Variants in TAF4 observed in about 807,000 individuals in gnomAD.
The protein encoded by TAF4 is transcription initiation factor TFIID subunit 4.
Under a neutral mutation model 90.3 loss-of-function variants are expected in TAF4, and 9 were observed. The ratio of observed to expected loss-of-function variants is 0.10; its 90% CI spans 0.06 to 0.17. The LOEUF (loss-of-function observed/expected upper bound fraction) is 0.17, where lower values mean the gene tolerates loss of function less well. Ranked by LOEUF, TAF4 falls within the 10% of genes least tolerant of loss-of-function variation. TAF4 has a pLI of 1.00. For missense variants in TAF4, 1,351 were observed against 1,370.7 expected, an observed-to-expected ratio of 0.99 and a Z score of 0.23; for synonymous variants, 818 against 638.9, an observed-to-expected ratio of 1.28 and a Z score of -4.23.
At chr20:62,007,150 T>C (rs908160351) in intron 6 of TAF4, among the ~76,000 whole-genome samples, 3 of 152,208 alleles carry the variant, frequency 2.0e-5, no homozygotes, top group East Asian at 1.9e-4. Flanking sequence ...ATACACCTCA[T>C]AAATGTGTAC....
At chr20:62,014,052 G>A (rs1348846699) in intron 2 of TAF4, among the ~76,000 whole-genome samples, 2 of 151,770 alleles carry the variant, frequency 1.3e-5, no homozygotes, top group Non-Finnish European at 2.9e-5. Flanking sequence ...GTGTATGTGT[G>A]TGTGTGTGTG....
chr20:62,050,028 T>C (rs75692838), intron 1 of TAF4, among the ~76,000 whole-genome samples: 4,144 of 152,150 alleles, frequency 0.027, 199 homozygotes, highest in African/African-American at 0.095. Flanking sequence ...GCTCACCCCA[T>C]CTTCACCCAA....
intron 1 of TAF4, among the ~76,000 whole-genome samples, chr20:62,045,636 C>T (rs975737443): frequency 6.6e-6 from 1 of 152,196 alleles, no homozygotes; most frequent in Admixed American, 6.5e-5. Flanking sequence ...AAGAAAATAA[C>T]TATTTAAAAG....
In TAF4 at chr20:62,065,077, C is replaced by A. The variant is rs2056118799; in HGVS notation, c.734G>T (p.Gly245Val). 2 of 943,410 alleles carry A rather than the reference C, an allele frequency of 2.1e-6. No individual in the cohort carries two copies. The highest frequency in any genetic ancestry group is 2.5e-6 in the Non-Finnish European group (2 of 804,198). The allele number at this position is 943,410 out of a possible 1,614,324, so 58.4% of individuals were successfully genotyped here. A position where few individuals can be genotyped will look rare whatever the true frequency, so the allele number is the denominator to read the frequency against. Residue 245 changes from glycine (G) to valine (V), a missense_variant, in exon 1 of 15, where the codon GGC becomes GTC. By Grantham distance (109) the Gly-to-Val change is moderately radical. This residue lies in a region of TAF4 where 782 missense variants were observed against 536.6 expected (regional missense o/e 1.46). Coordinates refer to ENST00000252996, the MANE Select transcript of TAF4 (RefSeq NM_003185.4). ...GTVIQTPPFV[G>V]AAAPPAPAAP... ...GGCGGGCGCGGGGGGCGCGGCGGCG[C>A]CCACGAAGGGGGGCGTCTGGATGAC...
At chr20:62,055,434 T>C (rs2056057834) in intron 1 of TAF4, among the ~76,000 whole-genome samples, 1 of 152,168 alleles carries the variant, frequency 6.6e-6, no homozygotes, top group Non-Finnish European at 1.5e-5. Context: ...TCACACTGTG[T>C]GCAGGCAGCC....
At chr20:62,021,378 C>T (rs1170958468) in intron 1 of TAF4, among the ~76,000 whole-genome samples, 1 of 152,248 alleles carries the variant, frequency 6.6e-6, no homozygotes, top group African/African-American at 2.4e-5. Flanking sequence ...GCACAGGGTC[C>T]GGAGGGCCAG....
At chr20:62,012,328 G>A (rs149721086) in intron 3 of TAF4, 2 of 152,650 alleles carry the variant, frequency 1.3e-5, no homozygotes, top group African/African-American at 2.4e-5. Context: ...CGAGATGAAG[G>A]GAGCGATGTC....
In TAF4 at chr20:62,010,696, T is replaced by C. The variant is rs540309497; in HGVS notation, c.1642-531A>G. On this transcript the variant is annotated intron_variant, in intron 3 of 14. Transcript: ENST00000252996. This position sits in a 1 kb window ranked among gnomAD's most constrained non-coding sequence, Gnocchi z 4.5. The stretch of plus-strand genomic sequence containing the variant: ...CCTTTCTTTACTCCCCAAAAGTGAG[T>C]GTCAACAAGAAGCCTCCCACAGAGG... Among the ~76,000 whole-genome samples the C allele has an allele frequency of 7.9e-5, 12 of 152,002 alleles. No individual in the cohort carries two copies. In the South Asian group the frequency reaches 2.5e-3, roughly 32 times the overall value.
intron 1 of TAF4, among the ~76,000 whole-genome samples, chr20:62,024,588 G>C (rs1042374365): frequency 6.6e-6 from 1 of 152,146 alleles, no homozygotes; most frequent in Non-Finnish European, 1.5e-5. Flanking sequence ...AATAACCCAG[G>C]TTGGGCGTGG....
At chr20:62,015,104 G>A (rs966874182) in intron 1 of TAF4, among the ~76,000 whole-genome samples, 2 of 152,180 alleles carry the variant, frequency 1.3e-5, no homozygotes, top group African/African-American at 4.8e-5. Flanking sequence ...GCTGGGCCTA[G>A]AGGGCACAAC....
intron 1 of TAF4, among the ~76,000 whole-genome samples, chr20:62,019,606 T>C (rs2055831145): frequency 6.6e-6 from 1 of 152,164 alleles, no homozygotes; most frequent in African/African-American, 2.4e-5. Flanking sequence ...AGGAGCAGCG[T>C]GCACTCCTCC....
chr20:62,052,717 C>T (rs1178531332), intron 1 of TAF4, among the ~76,000 whole-genome samples: 4 of 150,278 alleles, frequency 2.7e-5, no homozygotes, highest in African/African-American at 4.9e-5. Context: ...CGCCACCCCC[C>T]ACACCCCAGG....
At chr20:62,051,057 G>A (rs1489115621) in intron 1 of TAF4, among the ~76,000 whole-genome samples, 2 of 152,192 alleles carry the variant, frequency 1.3e-5, no homozygotes, top group East Asian at 1.9e-4. Context: ...GTTACAAGGA[G>A]GTTCAGAAAG....
At chr20:62,009,556 C>T (rs914550991) in intron 4 of TAF4, among the ~76,000 whole-genome samples, 3 of 152,192 alleles carry the variant, frequency 2.0e-5, no homozygotes, top group Non-Finnish European at 2.9e-5. Flanking sequence ...ACGAAAAGTA[C>T]GCAGCAAAGA....
Position 62,010,261 on chromosome 20 carries a change from C to T in TAF4, c.1642-96G>A, listed in dbSNP as rs545925852. ...CGCCCAGCAAAAGAAAACAAGCCTC[C>T]CTGCGGTGGCCAGGACGCCCAGGAA... is the stretch of plus-strand genomic sequence containing the variant. On this transcript the variant is annotated intron_variant, in intron 3 of 14. Transcript: ENST00000252996. The surrounding 1 kb of genome is among the most constrained non-coding windows in gnomAD (Gnocchi z 4.5). 6.4e-5 allele frequency: 101 copies of T among 1,571,844 alleles called. No individual in the cohort carries two copies. The highest frequency in any genetic ancestry group is 8.3e-5 in the Non-Finnish European group (96 of 1,157,444).
chr20:62,031,227 A>C (rs2055902474), intron 1 of TAF4, among the ~76,000 whole-genome samples: 1 of 152,142 alleles, frequency 6.6e-6, no homozygotes, highest in Non-Finnish European at 1.5e-5. Context: ...CCTGGGTCCA[A>C]GGTCGGAACG....
In TAF4 at chr20:62,003,798, C is replaced by G; in HGVS notation, c.2304G>C (p.Leu768=). 1 of 1,609,242 alleles carries G rather than the reference C, an allele frequency of 6.2e-7. No homozygotes were observed. The highest frequency in any genetic ancestry group is 8.5e-7 in the Non-Finnish European group (1 of 1,179,444). ...GCATGATCCGGTTGTGAGGCTGCCGCAGGGCGACCATGGGTGTCTGCGTCA... is the reference window on the plus strand; with the variant it reads ...GCATGATCCGGTTGTGAGGCTGCCGGAGGGCGACCATGGGTGTCTGCGTCA... ...VTLTQTPMVA[L]RQPHNRIMLT... is the part of the protein sequence containing the mutation. The change falls in exon 8 of 15, where the codon CTG becomes CTC. Residue 768 remains leucine (L), a synonymous_variant. Coordinates refer to ENST00000252996, the MANE Select transcript of TAF4 (RefSeq NM_003185.4).
chr20:61,992,967 A>G (rs1234746149), intron 14 of TAF4, among the ~76,000 whole-genome samples: 1 of 152,046 alleles, frequency 6.6e-6, no homozygotes, highest in Non-Finnish European at 1.5e-5. Flanking sequence ...ACAACACACT[A>G]AAACGTAAAA....
intron 7 of TAF4, chr20:62,005,903 G>A (rs1034942778): frequency 2.6e-5 from 4 of 152,180 alleles, no homozygotes; most frequent in African/African-American, 7.2e-5. Flanking sequence ...GCCCCTCTAC[G>A]TTTGGTGAAT....
Sources: allele counts gnomAD v4.1 joint callset (sites outside exome capture counted in the v4.1 genomes callset), GRCh38; gene constraint gnomAD v4.1.1; regional missense constraint gnomAD v4.1.1; non-coding constraint Gnocchi (gnomAD v3.1); transcripts MANE v1.5; gene names NCBI Gene and HGNC (gene_info 2026-07-23, HGNC 2026-07-21).